The following SEL1L2 variants were observed in gnomAD, a reference collection of about 807,000 sequenced individuals.
SEL1L2 encodes the protein protein sel-1 homolog 2.
SEL1L2 carries 89 observed loss-of-function variants against 98.8 expected under a neutral mutation model. That is an observed-to-expected ratio of 0.90 (90% CI 0.76 to 1.07). The LOEUF is 1.07. Ranked by LOEUF, SEL1L2 falls within the 50% of genes least tolerant of loss-of-function variation. The probability of loss-of-function intolerance (pLI) is 0.00; values close to 1 mark genes in which losing one functional copy is unlikely to be tolerated. For missense variants in SEL1L2, 788 were observed against 812.0 expected (o/e 0.97, Z 0.36); for synonymous variants, 262 against 278.5 (o/e 0.94, Z 0.59).
chr20:13,954,400 TA>T (rs1225308440), intron 2 of SEL1L2, among the ~76,000 whole-genome samples: 3 of 152,082 alleles, frequency 2.0e-5, no homozygotes, highest in African/African-American at 7.2e-5. Flanking sequence ...CACTTTGCAG[TA>T]GAGGTGTTTG....
At chr20:13,953,365 G>C (rs371540176) in intron 2 of SEL1L2, among the ~76,000 whole-genome samples, 29 of 152,208 alleles carry the variant, frequency 1.9e-4, no homozygotes, top group African/African-American at 6.5e-4. Context: ...CCTTTCTGCC[G>C]GGTACCCTTA....
intron 10 of SEL1L2, among the ~76,000 whole-genome samples, chr20:13,881,793 G>T (rs1305523240): frequency 6.6e-6 from 1 of 152,146 alleles, no homozygotes; most frequent in African/African-American, 2.4e-5. Flanking sequence ...TTTAAAGAGA[G>T]ACTTATACTA....
chr20:13,934,476 C>CATATATATATAT (rs71188200), intron 2 of SEL1L2, among the ~76,000 whole-genome samples: 88 of 618 alleles, frequency 0.14, 27 homozygotes, highest in East Asian at 0.6. Flanking sequence ...ATATATATTC[C>CATATATATATAT]ATATATATAT....
At chr20:13,971,968 CCTAATTACTGTATAT>C (rs1028003777) in intron 1 of SEL1L2, among the ~76,000 whole-genome samples, 14 of 152,090 alleles carry the variant, frequency 9.2e-5, no homozygotes, top group African/African-American at 3.1e-4. Context: ...CTGGCAATAC[CCTAATTACTGTATAT>C]CTAATTACTG....
At chr20:13,926,473 C>T (rs1357171031) in intron 3 of SEL1L2, among the ~76,000 whole-genome samples, 1 of 152,108 alleles carries the variant, frequency 6.6e-6, no homozygotes, top group Non-Finnish European at 1.5e-5. Context: ...AGCTCTGTGG[C>T]GCTAAAATGG....
intron 9 of SEL1L2, 135 bp downstream of exon 9, chr20:13,886,153 G>A: frequency 1.9e-6 from 1 of 513,048 alleles, no homozygotes. Context: ...AACAGGAGTA[G>A]GGTGAGAGAG....
At chr20:13,850,601 A>C (rs1988090357) in intron 18 of SEL1L2, among the ~76,000 whole-genome samples, 1 of 152,188 alleles carries the variant, frequency 6.6e-6, no homozygotes, top group Non-Finnish European at 1.5e-5. Flanking sequence ...TGGAATGAGA[A>C]GGAATTTGGA....
At chr20:13,895,650 A>G (rs1352743101) in intron 5 of SEL1L2, among the ~76,000 whole-genome samples, 3 of 152,260 alleles carry the variant, frequency 2.0e-5, no homozygotes, top group East Asian at 1.9e-4. Context: ...ATCATACCCA[A>G]TGGTAAAAAA....
chr20:13,926,301 C>T (rs1013793900), intron 3 of SEL1L2, among the ~76,000 whole-genome samples: 2 of 150,232 alleles, frequency 1.3e-5, no homozygotes, highest in Admixed American at 6.7e-5. Context: ...GGCGACAGAG[C>T]GAGACTCCGT....
chr20:13,975,503 C>G (rs1711047484), intron 1 of SEL1L2, among the ~76,000 whole-genome samples: 1 of 152,192 alleles, frequency 6.6e-6, no homozygotes, highest in South Asian at 2.1e-4. Context: ...CCACAGAATT[C>G]AGGTCCTACT....
At chr20:13,958,761 C>G (rs1431259194) in intron 1 of SEL1L2, among the ~76,000 whole-genome samples, 3 of 151,566 alleles carry the variant, frequency 2.0e-5, no homozygotes, top group Non-Finnish European at 4.4e-5. Context: ...ACACTGAAAG[C>G]CCATCTCTAC....
At chr20:13,990,368 AG>A (rs1333534525) in intron 1 of SEL1L2, 108 bp downstream of exon 1, 9 of 736,474 alleles carry the variant, frequency 1.2e-5, no homozygotes, top group Non-Finnish European at 2.2e-5. Context: ...GGCATTAGTT[AG>A]GGATATAGTA....
rs532223766 is a variant in SEL1L2 at position 13,990,504 on chromosome 20, A to G, written c.31T>C (p.Leu11=). 7.4e-6 allele frequency: 12 copies of G among 1,612,920 alleles called. No individual in the cohort carries two copies. Among genetic ancestry groups the G allele is most frequent in the African/African-American group, 5.3e-5 (4 of 75,036 alleles). The change falls in exon 1 of 20, where the codon TTG becomes CTG. Residue 11 remains leucine (L), a synonymous_variant. Coordinates refer to ENST00000284951, the MANE Select transcript of SEL1L2 (RefSeq NM_025229.2). MKPLSLLIEI[L]IILGVTIKTI... ...TTAATTGTGACCCCAAGAATTATCAATATCTCTATTAACAGAGACAAGGGC... is the reference window on the plus strand; with the variant it reads ...TTAATTGTGACCCCAAGAATTATCAGTATCTCTATTAACAGAGACAAGGGC...
intron 5 of SEL1L2, among the ~76,000 whole-genome samples, chr20:13,891,545 T>C (rs1031348468): frequency 6.6e-6 from 1 of 151,420 alleles, no homozygotes; most frequent in Non-Finnish European, 1.5e-5. Context: ...TGCATGCCTG[T>C]AGTCCCAGCT....
At chr20:13,951,200 C>A (rs1206337530) in intron 2 of SEL1L2, among the ~76,000 whole-genome samples, 1 of 134,060 alleles carries the variant, frequency 7.5e-6, no homozygotes, top group East Asian at 2.5e-4. Flanking sequence ...TGGCGTGAAT[C>A]TGGGAGGCGG....
intron 14 of SEL1L2, among the ~76,000 whole-genome samples, chr20:13,869,165 A>G (rs533943845): frequency 6.6e-6 from 1 of 150,634 alleles, no homozygotes; most frequent in East Asian, 2.0e-4. Flanking sequence ...AACCTCAACT[A>G]CTCTTAACTA....
intron 18 of SEL1L2, among the ~76,000 whole-genome samples, chr20:13,852,103 A>T (rs1439320186): frequency 6.6e-6 from 1 of 152,222 alleles, no homozygotes; most frequent in African/African-American, 2.4e-5. Context: ...GCAGATGATA[A>T]CAGCTTTCAT....
intron 1 of SEL1L2, among the ~76,000 whole-genome samples, chr20:13,960,708 C>A (rs564630949): frequency 3.3e-5 from 5 of 152,224 alleles, no homozygotes; most frequent in Admixed American, 1.3e-4. Context: ...GAGATCTGCA[C>A]CACTGTTTTA....
At chr20:13,868,188 C>T (rs919968008) in intron 14 of SEL1L2, among the ~76,000 whole-genome samples, 1 of 151,794 alleles carries the variant, frequency 6.6e-6, no homozygotes, top group Non-Finnish European at 1.5e-5. Context: ...TCCTCACTCA[C>T]CTCTCTCCCC....
Sources: allele counts gnomAD v4.1 joint callset (sites outside exome capture counted in the v4.1 genomes callset), GRCh38; gene constraint gnomAD v4.1.1; transcripts MANE v1.5; gene names NCBI Gene and HGNC (gene_info 2026-07-23, HGNC 2026-07-21).